Variants in SLC35F3 observed in about 807,000 individuals in gnomAD.
SLC35F3 encodes putative thiamine transporter SLC35F3.
Under a neutral mutation model 49.9 loss-of-function variants are expected in SLC35F3, and 25 were observed. The ratio of observed to expected loss-of-function variants is 0.50; its 90% confidence interval spans 0.37 to 0.70. The LOEUF is 0.70. SLC35F3 is among the 30% of genes least tolerant of loss of function. The pLI is 0.00. For synonymous variants in SLC35F3, 275 were observed against 265.4 expected (o/e 1.04, Z -0.35); for missense variants, 525 against 639.8 (o/e 0.82, Z 1.94).
intron 2 of SLC35F3, among the ~76,000 whole-genome samples, chr1:234,125,265 C>G (rs1665630019): frequency 6.6e-6 from 1 of 151,918 alleles, no homozygotes; most frequent in Admixed American, 6.6e-5. Context: ...CCAGTTCACG[C>G]TGATATAACA....
Position 233,904,974 on chromosome 1 carries a change from G to T in SLC35F3, c.-104G>T, listed in dbSNP as rs1312502090. The T allele has an allele frequency of 8.0e-5, 106 of 1,323,900 alleles. No homozygotes were observed. The highest frequency in any genetic ancestry group is 1.0e-4 in the Non-Finnish European group (96 of 960,782). 82.0% of individuals were successfully genotyped at this position (1,323,900 alleles called of 1,614,324 possible). Reference sequence around the variant, plus strand: ...GCCGGCGCGGCGCAGACCCTCGGTGGGCAGCGCACTCCAGTCTTCCCAGGC... The same window carrying T: ...GCCGGCGCGGCGCAGACCCTCGGTGTGCAGCGCACTCCAGTCTTCCCAGGC... On this transcript the variant is annotated 5_prime_UTR_variant, in exon 1 of 8. Transcript: ENST00000366618.
At chr1:234,314,033 C>G (rs907864675) in intron 4 of SLC35F3, among the ~76,000 whole-genome samples, 2 of 152,166 alleles carry the variant, frequency 1.3e-5, no homozygotes, top group African/African-American at 2.4e-5. Context: ...GCACATGGGT[C>G]CGGTCATAGC....
chr1:234,104,714 G>A (rs954829046), intron 2 of SLC35F3, among the ~76,000 whole-genome samples: 45 of 152,190 alleles, frequency 3.0e-4, no homozygotes, highest in African/African-American at 1.1e-3. Flanking sequence ...TGTAGTTGTG[G>A]TTAAAGGCCT....
chr1:234,010,301 AT>A (rs1249420559), intron 2 of SLC35F3, among the ~76,000 whole-genome samples: 1 of 152,188 alleles, frequency 6.6e-6, no homozygotes, highest in East Asian at 1.9e-4. Context: ...TGGTTATAAG[AT>A]GTTTTATGTA....
chr1:234,241,058 G>A (rs1400561696), intron 3 of SLC35F3, among the ~76,000 whole-genome samples: 1 of 152,228 alleles, frequency 6.6e-6, no homozygotes, highest in African/African-American at 2.4e-5. Flanking sequence ...GCAAAAAGGA[G>A]AAAACATGCT....
At chr1:233,991,356 G>A (rs79990527) in intron 2 of SLC35F3, among the ~76,000 whole-genome samples, 8,991 of 151,868 alleles carry the variant, frequency 0.059, 503 homozygotes, top group African/African-American at 0.15. Context: ...TGAAACGCCC[G>A]TGCCTTGCCT....
chr1:234,127,637 T>A (rs1665667972), intron 2 of SLC35F3, among the ~76,000 whole-genome samples: 7 of 152,194 alleles, frequency 4.6e-5, no homozygotes, highest in Admixed American at 4.6e-4. Context: ...AATAGACTGA[T>A]TTAAAAGCCT....
chr1:234,257,151 T>C (rs568094606), intron 3 of SLC35F3, among the ~76,000 whole-genome samples: 1 of 152,352 alleles, frequency 6.6e-6, no homozygotes, highest in Admixed American at 6.5e-5. Flanking sequence ...ATGACCAAAC[T>C]ATAATAGTGC....
At position 234,320,293 on chromosome 1, in the gene SLC35F3, C is replaced by G; in HGVS notation, c.1237+106C>G. ...GCATACATACACACTCACACATACACTCACATACACACACTCATGCATACA... is the reference window on the plus strand; with the variant it reads ...GCATACATACACACTCACACATACAGTCACATACACACACTCATGCATACA... On this transcript the variant is annotated intron_variant, in intron 7 of 7. Transcript: ENST00000366618. This position sits in a 1 kb window ranked among gnomAD's most constrained non-coding sequence, Gnocchi z 4.8. 5.2e-6 allele frequency: 4 copies of G among 763,714 alleles called. No individual in the cohort carries two copies. The highest frequency in any genetic ancestry group is 7.0e-6 in the Non-Finnish European group (3 of 428,580). The allele number at this position is 763,714 out of a possible 1,614,324, so 47.3% of individuals were successfully genotyped here. A position where few individuals can be genotyped will look rare whatever the true frequency, so the allele number is the denominator to read the frequency against.
intron 2 of SLC35F3, among the ~76,000 whole-genome samples, chr1:234,149,079 G>T (rs566583913): frequency 6.6e-6 from 1 of 152,304 alleles, no homozygotes; most frequent in Admixed American, 6.5e-5. Flanking sequence ...GAGAGTGCAG[G>T]TGGGAACACA....
intron 2 of SLC35F3, among the ~76,000 whole-genome samples, chr1:234,016,443 A>C (rs984702773): frequency 2.0e-5 from 3 of 152,246 alleles, no homozygotes; most frequent in Non-Finnish European, 4.4e-5. Context: ...TTATATATGC[A>C]TGATGAGGTA....
chr1:234,062,891 G>A (rs187914578), intron 2 of SLC35F3, among the ~76,000 whole-genome samples: 2,658 of 145,866 alleles, frequency 0.018, 82 homozygotes, highest in African/African-American at 0.056. Context: ...TGGTTTCACC[G>A]TGTTCACCGG....
chr1:234,001,141 G>A (rs1663547159), intron 2 of SLC35F3, among the ~76,000 whole-genome samples: 1 of 152,190 alleles, frequency 6.6e-6, no homozygotes, highest in Non-Finnish European at 1.5e-5. Flanking sequence ...CCTATGGCTG[G>A]CCTGCTGGAC....
chr1:233,995,374 T>A (rs1469304873), intron 2 of SLC35F3, among the ~76,000 whole-genome samples: 1 of 152,096 alleles, frequency 6.6e-6, no homozygotes, highest in Non-Finnish European at 1.5e-5. Flanking sequence ...GATTGCAAGC[T>A]GTGGAGATAG....
intron 2 of SLC35F3, among the ~76,000 whole-genome samples, chr1:233,924,238 C>G (rs961344029): frequency 7.2e-5 from 11 of 152,140 alleles, no homozygotes; most frequent in African/African-American, 2.7e-4. Context: ...CCTCTTTGTA[C>G]CTCTGGTAGA....
Position 234,152,227 on chromosome 1 carries a change from G to GTTATTATTATTATTATTA in SLC35F3, c.284-79182_284-79165dup, listed in dbSNP as rs61307533. The stretch of plus-strand genomic sequence containing the variant: ...ATGGAGTAACATTATTATTATTATT[G>GTTATTATTATTATTATTA]TTATTATTATTATTATTATTATTAT... On this transcript the variant is annotated intron_variant, in intron 2 of 7. Transcript: ENST00000366618. 3.4e-3 allele frequency among the ~76,000 whole-genome samples: 491 copies of GTTATTATTATTATTATTA among 144,576 alleles called. 3 individuals are homozygous for GTTATTATTATTATTATTA. Among genetic ancestry groups the GTTATTATTATTATTATTA allele is most frequent in the African/African-American group, 0.012 (469 of 37,832 alleles). 94.8% of individuals were successfully genotyped at this position (144,576 alleles called of 152,430 possible).
At chr1:234,088,784 CAG>C (rs771473182) in intron 2 of SLC35F3, among the ~76,000 whole-genome samples, 45 of 152,054 alleles carry the variant, frequency 3.0e-4, no homozygotes, top group Non-Finnish European at 5.4e-4. Context: ...ATTTTTGAGA[CAG>C]AGTCTCTCTC....
At chr1:234,197,758 A>C (rs552371754) in intron 2 of SLC35F3, among the ~76,000 whole-genome samples, 1 of 152,370 alleles carries the variant, frequency 6.6e-6, no homozygotes, top group African/African-American at 2.4e-5. Flanking sequence ...AGATGCTAGA[A>C]TCTTCATTGA....
At chr1:233,928,923 C>A (rs1029078766) in intron 2 of SLC35F3, among the ~76,000 whole-genome samples, 2 of 137,110 alleles carry the variant, frequency 1.5e-5, no homozygotes, top group African/African-American at 5.2e-5. Context: ...TGAATATGTA[C>A]AAGTCTGATT....
Sources: allele counts gnomAD v4.1 joint callset (sites outside exome capture counted in the v4.1 genomes callset), GRCh38; gene constraint gnomAD v4.1.1; non-coding constraint Gnocchi (gnomAD v3.1); transcripts MANE v1.5; gene names NCBI Gene and HGNC (gene_info 2026-07-23, HGNC 2026-07-21).